Variants in KAT2B observed in about 807,000 individuals in gnomAD.
KAT2B encodes lysine acetyltransferase 2B, also known as histone acetyltransferase KAT2B.
Under a neutral mutation model 105.9 loss-of-function variants are expected in KAT2B, and 36 were observed. That is an observed-to-expected ratio of 0.34 (90% CI 0.26 to 0.45). The LOEUF is 0.45. KAT2B is among the 20% of genes least tolerant of loss of function. The pLI is 1.00. For synonymous variants in KAT2B, 397 were observed against 377.9 expected (o/e 1.05, Z -0.59); for missense variants, 820 against 1,021.6 (o/e 0.80, Z 2.69).
At chr3:20,059,832 C>T (rs1351643511) in intron 1 of KAT2B, among the ~76,000 whole-genome samples, 2 of 152,206 alleles carry the variant, frequency 1.3e-5, no homozygotes, top group Admixed American at 1.3e-4. Flanking sequence ...TCACCACAAT[C>T]TACCTTTTAG....
chr3:20,091,809 C>T (rs956842825), intron 2 of KAT2B, among the ~76,000 whole-genome samples: 3 of 152,154 alleles, frequency 2.0e-5, no homozygotes, highest in Non-Finnish European at 2.9e-5. Context: ...TCCAAAATTC[C>T]TCCTGTTAAT....
chr3:20,064,237 A>T (rs996612266), intron 1 of KAT2B, among the ~76,000 whole-genome samples: 1 of 152,184 alleles, frequency 6.6e-6, no homozygotes, highest in African/African-American at 2.4e-5. Context: ...ATAATTATAC[A>T]TATTGATGGG....
intron 1 of KAT2B, among the ~76,000 whole-genome samples, chr3:20,054,106 A>T (rs1429511622): frequency 6.8e-6 from 1 of 146,152 alleles, no homozygotes; most frequent in Non-Finnish European, 1.5e-5. Context: ...CTTTAGACTT[A>T]TTTTTTTTTG....
intron 5 of KAT2B, among the ~76,000 whole-genome samples, chr3:20,103,674 G>T (rs1016628342): frequency 6.6e-6 from 1 of 152,138 alleles, no homozygotes; most frequent in Non-Finnish European, 1.5e-5. Context: ...CTCCCAAAGT[G>T]CTGAGATTAC....
intron 9 of KAT2B, chr3:20,123,074 C>T (rs927983759): frequency 2.5e-5 from 12 of 479,628 alleles, no homozygotes; most frequent in Admixed American, 6.4e-5. Context: ...ATTTCAAGCC[C>T]TCATAAATGT....
intron 2 of KAT2B, among the ~76,000 whole-genome samples, chr3:20,077,652 T>C (rs1698442569): frequency 6.6e-6 from 1 of 152,210 alleles, no homozygotes; most frequent in African/African-American, 2.4e-5. Context: ...TAATGTATTA[T>C]TAAAATTATT....
In KAT2B at chr3:20,127,429, C is replaced by G; in HGVS notation, c.1629C>G (p.His543Gln). 1 of 1,612,714 alleles carries G rather than the reference C, an allele frequency of 6.2e-7. No individual in the cohort carries two copies. The highest frequency in any genetic ancestry group is 1.1e-5 in the South Asian group (1 of 91,026). ...CATAATCTTATTCTTTCAGGAAACA[C>G]AAAACCCTTGCTTTAATTAAAGATG... is the stretch of plus-strand genomic sequence containing the variant. ...YITRLVFDPKHKTLALIKDGR... is the reference protein window; with the variant it reads ...YITRLVFDPKQKTLALIKDGR... The change falls in exon 11 of 18, where the codon CAC (histidine) becomes CAG (glutamine). Residue 543 changes from histidine to glutamine, a missense_variant. Transcript: ENST00000263754.
chr3:20,097,711 A>G (rs1282993103), intron 3 of KAT2B, among the ~76,000 whole-genome samples: 1 of 151,822 alleles, frequency 6.6e-6, no homozygotes, highest in Non-Finnish European at 1.5e-5. Context: ...TAATATTTGT[A>G]TTTTTAGTAG....
chr3:20,078,767 C>T (rs1698466059), intron 2 of KAT2B, among the ~76,000 whole-genome samples: 1 of 151,484 alleles, frequency 6.6e-6, no homozygotes, highest in South Asian at 2.1e-4. Flanking sequence ...AGATTCCTTG[C>T]TTTTCTGCTT....
rs149170272 is a variant in KAT2B at position 20,151,919 on chromosome 3, GT to G, written c.2306-409del. On this transcript the variant is annotated intron_variant, in intron 17 of 17. Transcript: ENST00000263754. ...TTAGTGAAACAAATGCAGTCTGATTGTTTTAAGTAATTAAATGATTGAATAC... is the reference window on the plus strand; with the variant it reads ...TTAGTGAAACAAATGCAGTCTGATTGTTTAAGTAATTAAATGATTGAATAC... 7.8e-3 allele frequency among the ~76,000 whole-genome samples: 1,188 copies of G among 152,240 alleles called. 8 individuals carry two copies. Among genetic ancestry groups the G allele is most frequent in the Non-Finnish European group, 0.012 (782 of 67,978 alleles).
intron 13 of KAT2B, among the ~76,000 whole-genome samples, chr3:20,145,517 GT>G: frequency 2.0e-5 from 2 of 101,500 alleles, no homozygotes; most frequent in Admixed American, 1.8e-4. Context: ...CCAAAATTTC[GT>G]TATGATATGT....
chr3:20,081,648 T>C, intron 2 of KAT2B, among the ~76,000 whole-genome samples: 1 of 152,114 alleles, frequency 6.6e-6, no homozygotes, highest in East Asian at 1.9e-4. Flanking sequence ...TCTTGGGTAA[T>C]TAGTGTATAT....
intron 6 of KAT2B, 83 bp downstream of exon 6, chr3:20,111,870 A>T: frequency 9.3e-7 from 1 of 1,080,094 alleles, no homozygotes; most frequent in Non-Finnish European, 1.3e-6. Context: ...CATAAATAAC[A>T]AGATCGGAAA....
At chr3:20,053,813 T>TATTTG (rs1180907230) in intron 1 of KAT2B, among the ~76,000 whole-genome samples, 5 of 152,184 alleles carry the variant, frequency 3.3e-5, no homozygotes, top group Non-Finnish European at 5.9e-5. Flanking sequence ...TATTTTATTT[T>TATTTG]TTTGAGATGG....
At chr3:20,048,119 C>G (rs1697848113) in intron 1 of KAT2B, among the ~76,000 whole-genome samples, 1 of 152,054 alleles carries the variant, frequency 6.6e-6, no homozygotes, top group South Asian at 2.1e-4. Context: ...CAATTGTATC[C>G]TGTGGTGACT....
intron 13 of KAT2B, among the ~76,000 whole-genome samples, chr3:20,145,963 C>G (rs758938190): frequency 6.6e-6 from 1 of 152,172 alleles, no homozygotes; most frequent in Admixed American, 6.5e-5. Context: ...AGTGAATGCT[C>G]AGGGCTGCTT....
chr3:20,095,453 T>A, intron 3 of KAT2B, 45 bp downstream of exon 3: 1 of 1,388,762 alleles, frequency 7.2e-7, no homozygotes, highest in Non-Finnish European at 1.0e-6. Flanking sequence ...ATTATTCAAA[T>A]GTACCCAGTC....
At chr3:20,096,985 G>C (rs1471609391) in intron 3 of KAT2B, among the ~76,000 whole-genome samples, 2 of 151,838 alleles carry the variant, frequency 1.3e-5, no homozygotes, top group Non-Finnish European at 2.9e-5. Flanking sequence ...GAGAGTGGGG[G>C]AAGAGAGAGA....
chr3:20,140,586 GCC>G (rs1699679493), intron 13 of KAT2B, among the ~76,000 whole-genome samples: 1 of 152,058 alleles, frequency 6.6e-6, no homozygotes, highest in Admixed American at 6.6e-5. Context: ...TGCCTCCTGG[GCC>G]CAAGCAATCC....
Sources: allele counts gnomAD v4.1 joint callset (sites outside exome capture counted in the v4.1 genomes callset), GRCh38; gene constraint gnomAD v4.1.1; transcripts MANE v1.5; gene names NCBI Gene and HGNC (gene_info 2026-07-23, HGNC 2026-07-21).